Variants in UBR1 observed in about 807,000 individuals in gnomAD.
UBR1 encodes the protein ubiquitin protein ligase E3 component n-recognin 1, also known as E3 ubiquitin-protein ligase UBR1.
Under a neutral mutation model 242.1 loss-of-function variants are expected in UBR1, and 102 were observed. The ratio of observed to expected loss-of-function variants is 0.42; its 90% confidence interval spans 0.36 to 0.50. The LOEUF is 0.50. Among genes scored for constraint, UBR1 ranks in the 20% least tolerant of loss-of-function variants. The probability of loss-of-function intolerance (pLI) is 0.01; values close to 1 mark genes in which losing one functional copy is unlikely to be tolerated. For missense variants in UBR1, 1,772 were observed against 2,101.8 expected (o/e 0.84, Z 3.07); for synonymous variants, 675 against 684.8 (o/e 0.99, Z 0.22).
chr15:43,012,459 G>C (rs912030635), intron 29 of UBR1, among the ~76,000 whole-genome samples: 2 of 152,180 alleles, frequency 1.3e-5, no homozygotes, highest in Non-Finnish European at 2.9e-5. Context: ...AGAAAGATCA[G>C]TAATGCAGAG....
In UBR1 at chr15:42,970,530, A is replaced by G; in HGVS notation, c.4447T>C (p.Tyr1483His). 14 of 1,613,504 alleles carry G rather than the reference A, an allele frequency of 8.7e-6. No individual in the cohort carries two copies. Among genetic ancestry groups the G allele is most frequent in the Non-Finnish European group, 1.2e-5 (14 of 1,179,956 alleles). ...TGGATTGTTACTCACCCACTTGTAT[A>G]TTGAGAAATTTCTGCAAAGAAAGAA... ...ASSFFAEISQ[Y>H]TSGSIGCDIP... The change falls in exon 40 of 47, where the codon TAT becomes CAT. Residue 1483 changes from tyrosine to histidine, a missense_variant. Around this residue, in one of 3 missense-constraint regions of UBR1, gnomAD observed 965 missense variants for 1,079.7 expected, o/e 0.89. Coordinates refer to ENST00000290650, the MANE Select transcript of UBR1 (RefSeq NM_174916.3).
intron 44 of UBR1, among the ~76,000 whole-genome samples, chr15:42,957,695 C>T (rs905862719): frequency 5.9e-5 from 9 of 151,956 alleles, no homozygotes; most frequent in African/African-American, 1.5e-4. Flanking sequence ...GGCAACATAA[C>T]GAAACCTTGT....
At chr15:42,993,060 C>T (rs1002506614) in intron 33 of UBR1, among the ~76,000 whole-genome samples, 2 of 152,158 alleles carry the variant, frequency 1.3e-5, no homozygotes, top group Non-Finnish European at 2.9e-5. Context: ...AAACACACTC[C>T]TTTTATATTC....
intron 23 of UBR1, 42 bp downstream of exon 23, chr15:43,026,519 A>G: frequency 6.4e-7 from 1 of 1,556,496 alleles, no homozygotes; most frequent in African/African-American, 1.4e-5. Flanking sequence ...AGAAAGCATA[A>G]AGCATTTAGG....
intron 5 of UBR1, among the ~76,000 whole-genome samples, chr15:43,069,577 T>A (rs1348725393): frequency 6.6e-6 from 1 of 152,212 alleles, no homozygotes; most frequent in Non-Finnish European, 1.5e-5. Context: ...GCCCGGCCTA[T>A]GTTCCCAGTT....
chr15:43,069,226 G>A (rs912641791), intron 5 of UBR1, among the ~76,000 whole-genome samples: 55 of 151,934 alleles, frequency 3.6e-4, no homozygotes, highest in African/African-American at 1.3e-3. Context: ...AGAGTGTTAT[G>A]AGGATCTCAC....
rs546349597 is a variant in UBR1, at chr15:43,102,718, C to T, written c.81+3224G>A. Among the ~76,000 whole-genome samples, 17 of 152,318 alleles carry T rather than the reference C, an allele frequency of 1.1e-4. 2 individuals are homozygous for T. The South Asian group carries it at 3.5e-3, about 32-fold the overall frequency. ...ATACCCCATGCCATCACACTACTCT[C>T]ACCTCCTACGTGCTTGCCTATTGTT... On this transcript the variant is annotated intron_variant, in intron 1 of 46. Transcript: ENST00000290650.
At chr15:43,076,761 C>T (rs1293435014) in intron 3 of UBR1, among the ~76,000 whole-genome samples, 5 of 141,602 alleles carry the variant, frequency 3.5e-5, no homozygotes, top group South Asian at 2.4e-4. Flanking sequence ...CCACCGCGTC[C>T]GGGAGGGAGG....
chr15:43,101,968 CAA>C lies in UBR1; in HGVS notation c.81+3972_81+3973del, dbSNP rs55875692. Among the ~76,000 whole-genome samples, 416 of 59,620 alleles carry C rather than the reference CAA, an allele frequency of 7.0e-3. 1 individual carries two copies. The highest frequency in any genetic ancestry group is 0.03 in the African/African-American group (395 of 13,198). The allele number at this position is 59,620 out of a possible 152,430, so 39.1% of individuals were successfully genotyped here. On this transcript the variant is annotated intron_variant, in intron 1 of 46. Coordinates refer to ENST00000290650, the MANE Select transcript of UBR1 (RefSeq NM_174916.3). ...GGCGACAGAGAGAGACCTTGGCTCA[CAA>C]AAAAAAAAAAAAAAAAAAAAAAAGC...
At chr15:43,083,947 G>A (rs917861537) in intron 2 of UBR1, among the ~76,000 whole-genome samples, 2 of 152,100 alleles carry the variant, frequency 1.3e-5, no homozygotes, top group African/African-American at 2.4e-5. Flanking sequence ...AGGAGGTTGA[G>A]GCAGGAAAAT....
chr15:43,088,870 A>G (rs2034071461), intron 1 of UBR1, among the ~76,000 whole-genome samples: 1 of 152,144 alleles, frequency 6.6e-6, no homozygotes, highest in Admixed American at 6.5e-5. Flanking sequence ...TAAAAAATCT[A>G]CATGAGGGCT....
At chr15:43,070,275 G>C (rs1389867156) in intron 5 of UBR1, among the ~76,000 whole-genome samples, 1 of 96,804 alleles carries the variant, frequency 1.0e-5, no homozygotes, top group Non-Finnish European at 2.1e-5. Context: ...AAAAAAAAAA[G>C]CTACATCCCT....
intron 1 of UBR1, 56 bp downstream of exon 1, chr15:43,105,886 G>A: frequency 6.5e-7 from 1 of 1,530,218 alleles, no homozygotes; most frequent in Non-Finnish European, 9.1e-7. Context: ...ATCCTCCTAA[G>A]CGCAGTAGGG....
At chr15:43,057,330 T>C (rs1170444229) in intron 10 of UBR1, among the ~76,000 whole-genome samples, 2 of 152,210 alleles carry the variant, frequency 1.3e-5, no homozygotes, top group Non-Finnish European at 2.9e-5. Context: ...ACAGTGTCAT[T>C]TGCCTACAAC....
intron 46 of UBR1, among the ~76,000 whole-genome samples, chr15:42,947,643 GACAA>G (rs1341236679): frequency 6.6e-6 from 1 of 152,052 alleles, no homozygotes; most frequent in Non-Finnish European, 1.5e-5. Context: ...ACCAATAACA[GACAA>G]ACAGAGAGCC....
intron 29 of UBR1, among the ~76,000 whole-genome samples, chr15:43,007,652 C>T (rs1197281652): frequency 6.6e-6 from 1 of 151,706 alleles, no homozygotes; most frequent in African/African-American, 2.4e-5. Context: ...GTTATATTCC[C>T]ACAACCTAGA....
At chr15:43,024,725 C>A in intron 25 of UBR1, 104 bp downstream of exon 25, 1 of 1,512,752 alleles carries the variant, frequency 6.6e-7, no homozygotes, top group Non-Finnish European at 9.2e-7. Context: ...CCTATGTTTC[C>A]GGTGCTCTAG....
chr15:43,026,502 T>C lies in UBR1; in HGVS notation c.2535+59A>G, dbSNP rs916314684. On this transcript the variant is annotated intron_variant, in intron 23 of 46. Transcript: ENST00000290650. ...TATAGAAAAAGCAGAAAATTTTCTGTGGAGTTAGAAAGCATAAAGCATTTA... is the reference window on the plus strand; with the variant it reads ...TATAGAAAAAGCAGAAAATTTTCTGCGGAGTTAGAAAGCATAAAGCATTTA... The C allele has an allele frequency of 3.4e-6, 5 of 1,468,134 alleles. No individual in the cohort carries two copies. The African/African-American group carries it at 7.0e-5, about 20-fold the overall frequency. 90.9% of individuals were successfully genotyped at this position (1,468,134 alleles called of 1,614,324 possible).
chr15:43,088,455 T>A (rs1295075657), intron 1 of UBR1, among the ~76,000 whole-genome samples: 5 of 152,084 alleles, frequency 3.3e-5, no homozygotes, highest in Non-Finnish European at 5.9e-5. Flanking sequence ...AAGTAAAAAA[T>A]TATATATACT....
Sources: allele counts gnomAD v4.1 joint callset (sites outside exome capture counted in the v4.1 genomes callset), GRCh38; gene constraint gnomAD v4.1.1; regional missense constraint gnomAD v4.1.1; transcripts MANE v1.5; gene names NCBI Gene and HGNC (gene_info 2026-07-23, HGNC 2026-07-21).